Variants in DSCAML1 observed in about 807,000 individuals in gnomAD.
DSCAML1 encodes DS cell adhesion molecule like 1, also known as cell adhesion molecule DSCAML1.
In DSCAML1, 38 loss-of-function variants were observed where a neutral mutation model predicts 200.5. The ratio of observed to expected loss-of-function variants is 0.19; its 90% CI spans 0.15 to 0.25. The LOEUF (loss-of-function observed/expected upper bound fraction) is 0.25, where lower values mean the gene tolerates loss of function less well. Among genes scored for constraint, DSCAML1 ranks in the 10% least tolerant of loss-of-function variants. The pLI, the probability that DSCAML1 is intolerant of heterozygous loss-of-function variation, is 1.00. For synonymous variants in DSCAML1, 1,215 were observed against 1,165.0 expected (o/e 1.04, Z -0.87); for missense variants, 2,223 against 2,858.8 (o/e 0.78, Z 5.07).
intron 3 of DSCAML1, among the ~76,000 whole-genome samples, chr11:117,539,082 G>A (rs1051432731): frequency 3.3e-5 from 5 of 152,156 alleles, no homozygotes; most frequent in Admixed American, 1.3e-4. Flanking sequence ...CACTCAGTAC[G>A]TGTTTCCAGA....
intron 3 of DSCAML1, among the ~76,000 whole-genome samples, chr11:117,759,097 T>C (rs967646844): frequency 6.6e-6 from 1 of 152,162 alleles, no homozygotes; most frequent in African/African-American, 2.4e-5. Context: ...TCCACCCTGT[T>C]GAGAATGAGA....
At chr11:117,625,392 T>C (rs942172899) in intron 3 of DSCAML1, among the ~76,000 whole-genome samples, 1 of 152,164 alleles carries the variant, frequency 6.6e-6, no homozygotes, top group Non-Finnish European at 1.5e-5. Flanking sequence ...GTGACTCACA[T>C]TCATGCTAAG....
chr11:117,777,214 A>C (rs2055142685), intron 2 of DSCAML1, among the ~76,000 whole-genome samples: 1 of 152,074 alleles, frequency 6.6e-6, no homozygotes, highest in African/African-American at 2.4e-5. Context: ...CATCCATCCA[A>C]ATTCCTACCT....
chr11:117,623,431 G>T (rs2051980020), intron 3 of DSCAML1, among the ~76,000 whole-genome samples: 1 of 152,040 alleles, frequency 6.6e-6, no homozygotes, highest in African/African-American at 2.4e-5. Context: ...GGCCAGGCAG[G>T]TCTCGAACTC....
At chr11:117,486,846 A>G (rs2049079422) in intron 11 of DSCAML1, among the ~76,000 whole-genome samples, 1 of 149,208 alleles carries the variant, frequency 6.7e-6, no homozygotes, top group African/African-American at 2.5e-5. Context: ...GGGATGTGTG[A>G]TAAGTATAAA....
chr11:117,473,960 C>T (rs1434249170), intron 14 of DSCAML1, among the ~76,000 whole-genome samples: 3 of 152,020 alleles, frequency 2.0e-5, no homozygotes, highest in Non-Finnish European at 4.4e-5. Flanking sequence ...GGCGCCAGCT[C>T]ATAAGTCACA....
At chr11:117,638,122 G>A (rs695083) in intron 3 of DSCAML1, among the ~76,000 whole-genome samples, 74,123 of 151,902 alleles carry the variant, frequency 0.49, 18,677 homozygotes, top group Admixed American at 0.61. Flanking sequence ...TGTTCTGGGT[G>A]GCTCCAGGGG....
Position 117,482,086 on chromosome 11 carries a change from T to C in DSCAML1, c.2436A>G (p.Ala812=), listed in dbSNP as rs1390918801. The change falls in exon 12 of 33, where the codon GCA becomes GCG. Residue 812 remains alanine (A), a synonymous_variant. Coordinates refer to ENST00000651296, the MANE Select transcript of DSCAML1 (RefSeq NM_020693.4). ...GGATGATGATGGGCCGCTCACCCCG[T>C]GCCGTGCAGTTTAGCTCCTTCGCAT... ...KGHAKELNCT[A]RGERPIIIRW... 94 of 1,614,074 alleles carry C rather than the reference T, an allele frequency of 5.8e-5. No homozygotes were observed. Among genetic ancestry groups the C allele is most frequent in the Non-Finnish European group, 8.0e-5 (94 of 1,180,012 alleles).
At position 117,428,671 on chromosome 11, in the gene DSCAML1, T is replaced by G. The variant is rs2047717619; in HGVS notation, c.5819A>C (p.Gln1940Pro). 7.4e-6 allele frequency: 12 copies of G among 1,612,650 alleles called. No homozygotes were observed. Among genetic ancestry groups the G allele is most frequent in the African/African-American group, 1.3e-5 (1 of 74,974 alleles). Reference sequence around the variant, plus strand: ...AGGGTCCAGGGTCAGGTGGCGAGCCTGGGTGTGGTAGGTTCGAGCCAGGTT... The same window carrying G: ...AGGGTCCAGGGTCAGGTGGCGAGCCGGGGTGTGGTAGGTTCGAGCCAGGTT... ...IRNLARTYHT[Q>P]ARHLTLDPAS... The change falls in exon 33 of 33, where the codon CAG (glutamine) becomes CCG (proline). Residue 1940 changes from glutamine (Q) to proline (P), a missense_variant. Gln to Pro is a moderately conservative substitution (Grantham distance 76). Transcript: ENST00000651296.
chr11:117,510,002 C>T (rs1484810235), intron 8 of DSCAML1, among the ~76,000 whole-genome samples: 2 of 152,228 alleles, frequency 1.3e-5, no homozygotes, highest in Non-Finnish European at 2.9e-5. Context: ...TCATCTTTAG[C>T]AAGGTGCTGC....
At chr11:117,560,068 T>C (rs1591265541) in intron 3 of DSCAML1, among the ~76,000 whole-genome samples, 1 of 149,694 alleles carries the variant, frequency 6.7e-6, no homozygotes, top group East Asian at 2.0e-4. Flanking sequence ...AGGATGAGGG[T>C]GTGATGGGGC....
At chr11:117,793,514 C>T (rs895056243) in intron 1 of DSCAML1, among the ~76,000 whole-genome samples, 2 of 152,172 alleles carry the variant, frequency 1.3e-5, no homozygotes, top group African/African-American at 4.8e-5. Context: ...CTCTAAGACA[C>T]AGAGAAGGTC....
rs2049469439 is a variant in DSCAML1, at chr11:117,505,197, G to A, written c.2063-154C>T. On this transcript the variant is annotated intron_variant, in intron 9 of 32. Coordinates refer to ENST00000651296, the MANE Select transcript of DSCAML1 (RefSeq NM_020693.4). This position sits in a 1 kb window ranked among gnomAD's most constrained non-coding sequence, Gnocchi z 6.7. ...GAAACCCAAGATGCTGAGAACTTTT[G>A]TTGAGTACTGGGTAGGGACTTGGGA... Among the ~76,000 whole-genome samples the A allele has an allele frequency of 1.3e-5, 2 of 152,206 alleles. No individual in the cohort carries two copies. Among genetic ancestry groups the A allele is most frequent in the Admixed American group, 6.5e-5 (1 of 15,288 alleles).
intron 1 of DSCAML1, among the ~76,000 whole-genome samples, chr11:117,781,452 C>T (rs879802994): frequency 3.9e-5 from 6 of 152,294 alleles, no homozygotes; most frequent in African/African-American, 7.2e-5. Flanking sequence ...ATCCCACAGA[C>T]GAAAGTTGTA....
intron 14 of DSCAML1, among the ~76,000 whole-genome samples, chr11:117,478,923 G>C (rs1337305169): frequency 1.3e-5 from 2 of 152,224 alleles, no homozygotes; most frequent in Non-Finnish European, 2.9e-5. Flanking sequence ...TTGAACTCCT[G>C]GGTGGCTTAC....
intron 2 of DSCAML1, among the ~76,000 whole-genome samples, chr11:117,779,895 T>C (rs1279194333): frequency 1.3e-5 from 2 of 152,232 alleles, no homozygotes; most frequent in East Asian, 3.9e-4. Flanking sequence ...CTTTCCTTTA[T>C]ATATTATTTT....
chr11:117,795,553 C>T (rs996484320), intron 1 of DSCAML1, among the ~76,000 whole-genome samples: 1 of 152,014 alleles, frequency 6.6e-6, no homozygotes, highest in Non-Finnish European at 1.5e-5. Flanking sequence ...CAGAGACCAG[C>T]CTTGGTGTGT....
At chr11:117,776,686 C>T (rs2134045638) in intron 3 of DSCAML1, 105 bp downstream of exon 3, 5 of 1,402,272 alleles carry the variant, frequency 3.6e-6, no homozygotes, top group South Asian at 1.3e-5. Context: ...CCAGAGCCAA[C>T]CTCAAGATCT....
chr11:117,435,836 A>T, intron 26 of DSCAML1, 37 bp from the exon 27 acceptor site: 1 of 1,584,066 alleles, frequency 6.3e-7, no homozygotes, highest in Non-Finnish European at 8.6e-7. Flanking sequence ...GATGTCCCTT[A>T]TGAGCCAGGT....
Sources: allele counts gnomAD v4.1 joint callset (sites outside exome capture counted in the v4.1 genomes callset), GRCh38; gene constraint gnomAD v4.1.1; non-coding constraint Gnocchi (gnomAD v3.1); transcripts MANE v1.5; gene names NCBI Gene and HGNC (gene_info 2026-07-23, HGNC 2026-07-21).